TCF20: variants seen among roughly 807,000 people sequenced by gnomAD.
TCF20 encodes transcription factor 20.
Under a neutral mutation model 148.6 loss-of-function variants are expected in TCF20, and 3 were observed. The observed-to-expected ratio is 0.02, with a 90% CI of 0.01 to 0.05. The LOEUF is 0.05. Ranked by LOEUF, TCF20 falls within the 10% of genes least tolerant of loss-of-function variation. TCF20 has a pLI of 1.00. For synonymous variants in TCF20, 1,049 were observed against 909.5 expected (o/e 1.15, Z -2.76); for missense variants, 2,350 against 2,429.3 (o/e 0.97, Z 0.69).
chr22:42,342,249 G>A (rs910147302), intron 1 of TCF20, among the ~76,000 whole-genome samples: 2 of 152,138 alleles, frequency 1.3e-5, no homozygotes, highest in African/African-American at 2.4e-5. Flanking sequence ...GGGGAGGAGG[G>A]GCCGGTACGT....
At chr22:42,174,845 C>G (rs183775933) in intron 3 of TCF20, among the ~76,000 whole-genome samples, 1 of 152,044 alleles carries the variant, frequency 6.6e-6, no homozygotes, top group African/African-American at 2.4e-5. Context: ...ACCATCCCGG[C>G]TAACACGGTG....
chr22:42,337,407 T>G (rs2147062195), intron 1 of TCF20, among the ~76,000 whole-genome samples: 1 of 152,160 alleles, frequency 6.6e-6, no homozygotes, highest in Admixed American at 6.5e-5. Flanking sequence ...ATTCCCCACC[T>G]TCCTGCCTGT....
chr22:42,210,311 C>T lies in TCF20; in HGVS notation c.4995G>A (p.Lys1665=). The part of the protein sequence containing the change: ...EEQTKLVRGR[K]GQRSLTPPPS... ...GTGGAGGGGTCAGTGACCTCTGACC[C>T]TTCCTGCCCCTCACTAATTTGGTCT... Residue 1665 remains lysine (K), a synonymous_variant, in exon 2 of 6, where the codon AAG becomes AAA. Transcript: ENST00000677622. This position sits in a 1 kb window ranked among gnomAD's most constrained non-coding sequence, Gnocchi z 4.7. 4 of 1,614,198 alleles carry T rather than the reference C, an allele frequency of 2.5e-6. No individual in the cohort carries two copies. The highest frequency in any genetic ancestry group is 1.7e-6 in the Non-Finnish European group (2 of 1,180,036).
At chr22:42,264,027 A>C (rs962573487) in intron 1 of TCF20, among the ~76,000 whole-genome samples, 3 of 152,086 alleles carry the variant, frequency 2.0e-5, no homozygotes, top group African/African-American at 7.2e-5. Flanking sequence ...CTATAATCAG[A>C]GAGTATGGAA....
intron 2 of TCF20, among the ~76,000 whole-genome samples, chr22:42,192,140 C>T (rs1057505389): frequency 6.6e-6 from 1 of 152,172 alleles, no homozygotes; most frequent in African/African-American, 2.4e-5. Flanking sequence ...CTCCATGGCT[C>T]ATCCTACCCA....
At chr22:42,174,152 G>A (rs1243706961) in intron 3 of TCF20, among the ~76,000 whole-genome samples, 1 of 152,130 alleles carries the variant, frequency 6.6e-6, no homozygotes, top group Non-Finnish European at 1.5e-5. Context: ...CCTGAACTTG[G>A]GTTGAGGAGG....
intron 1 of TCF20, among the ~76,000 whole-genome samples, chr22:42,253,520 T>TA (rs1362503009): frequency 6.6e-6 from 1 of 152,214 alleles, no homozygotes; most frequent in East Asian, 1.9e-4. Context: ...AATTCCTTAG[T>TA]AATATTTTCA....
chr22:42,307,629 T>G (rs1368213041), intron 1 of TCF20, among the ~76,000 whole-genome samples: 7 of 152,216 alleles, frequency 4.6e-5, no homozygotes, highest in Non-Finnish European at 1.0e-4. Context: ...AGGAGCTAAG[T>G]GAAGCGTCCC....
At chr22:42,334,644 G>A (rs1448903778) in intron 1 of TCF20, among the ~76,000 whole-genome samples, 3 of 152,236 alleles carry the variant, frequency 2.0e-5, no homozygotes, top group South Asian at 4.1e-4. Context: ...ACACACTGGC[G>A]CCTGTCATGA....
intron 1 of TCF20, among the ~76,000 whole-genome samples, chr22:42,293,829 G>T (rs558822737): frequency 6.6e-6 from 1 of 152,172 alleles, no homozygotes; most frequent in Non-Finnish European, 1.5e-5. Context: ...GTGAAACACC[G>T]TCTCTACTAA....
At chr22:42,301,059 G>A (rs966402793) in intron 1 of TCF20, among the ~76,000 whole-genome samples, 1 of 152,116 alleles carries the variant, frequency 6.6e-6, no homozygotes, top group Non-Finnish European at 1.5e-5. Context: ...CCAAAGGAAG[G>A]TCCTAGGGCA....
chr22:42,332,518 TG>T (rs1032532385), intron 1 of TCF20, among the ~76,000 whole-genome samples: 5 of 152,208 alleles, frequency 3.3e-5, no homozygotes, highest in Admixed American at 1.3e-4. Context: ...TTTCTTTTTT[TG>T]AGGCGGAGTC....
intron 1 of TCF20, among the ~76,000 whole-genome samples, chr22:42,319,504 G>A (rs1194020272): frequency 3.9e-5 from 6 of 152,190 alleles, no homozygotes; most frequent in African/African-American, 1.4e-4. Flanking sequence ...CAGGGCTCTG[G>A]GCAAGCCATT....
chr22:42,176,541 C>T (rs5758627), intron 3 of TCF20, among the ~76,000 whole-genome samples: 27,147 of 152,154 alleles, frequency 0.18, 2,707 homozygotes, highest in East Asian at 0.33. Flanking sequence ...GTGGCTGCCT[C>T]CGTGGACAGC....
intron 2 of TCF20, among the ~76,000 whole-genome samples, chr22:42,189,231 C>T (rs765972773): frequency 6.6e-6 from 1 of 152,182 alleles, no homozygotes; most frequent in Non-Finnish European, 1.5e-5. Context: ...ACCGACAGGA[C>T]TTGATGCTGA....
chr22:42,171,415 T>C (rs909691420), intron 3 of TCF20, among the ~76,000 whole-genome samples: 1 of 152,158 alleles, frequency 6.6e-6, no homozygotes, highest in African/African-American at 2.4e-5. Flanking sequence ...ATGAAAACTT[T>C]TCAGGTCCCG....
chr22:42,235,708 T>C (rs1441355392), intron 1 of TCF20, among the ~76,000 whole-genome samples: 2 of 152,324 alleles, frequency 1.3e-5, no homozygotes, highest in African/African-American at 2.4e-5. Context: ...GTTCTGTGAC[T>C]TGGGCAAGTT....
rs1927297431 is a variant in TCF20, at chr22:42,299,640, C to T, written c.-37+43839G>A. On this transcript the variant is annotated intron_variant, in intron 1 of 1. Coordinates refer to the TCF20 transcript ENST00000515426. The surrounding 1 kb of genome is among the most constrained non-coding windows in gnomAD (Gnocchi z 4.1). ...CAGCTCTCCAACCTCTGTACCTCTC[C>T]CCGAACGCAGGCCCCCCTGCCCGCA... Among the ~76,000 whole-genome samples, 1 of 152,202 alleles carries T rather than the reference C, an allele frequency of 6.6e-6. No individual in the cohort carries two copies. The highest frequency in any genetic ancestry group is 6.5e-5 in the Admixed American group (1 of 15,278).
In TCF20 at chr22:42,317,661, G is replaced by A. The variant is rs1044717056; in HGVS notation, c.-37+25818C>T. ...TCCCGCTGGGGGCTGGGGGGGAAAG[G>A]GGTGTAGACTCAGCCGCAGGACAGC... On this transcript the variant is annotated intron_variant, in intron 1 of 1. Transcript: ENST00000515426. This position sits in a 1 kb window ranked among gnomAD's most constrained non-coding sequence, Gnocchi z 4.2. Among the ~76,000 whole-genome samples, 2 of 152,222 alleles carry A rather than the reference G, an allele frequency of 1.3e-5. No individual in the cohort carries two copies. The highest frequency in any genetic ancestry group is 4.8e-5 in the African/African-American group (2 of 41,456).
Sources: allele counts gnomAD v4.1 joint callset (sites outside exome capture counted in the v4.1 genomes callset), GRCh38; gene constraint gnomAD v4.1.1; non-coding constraint Gnocchi (gnomAD v3.1); transcripts MANE v1.5; gene names NCBI Gene and HGNC (gene_info 2026-07-23, HGNC 2026-07-21).